Variants in CEMP1 observed in about 807,000 individuals in gnomAD.
CEMP1 encodes the protein cementum protein 1.
For missense variants in CEMP1, 387 were observed against 316.9 expected (o/e 1.22, Z -1.68); for synonymous variants, 161 against 128.6 (o/e 1.25, Z -1.71).
Position 2,531,031 on chromosome 16 carries a change from G to T in CEMP1, c.43C>A (p.Arg15=). The change falls in exon 1 of 1, where the codon CGA becomes AGA. Residue 15 remains arginine (R), a synonymous_variant. Coordinates refer to ENST00000567119, the MANE Select transcript of CEMP1 (RefSeq NM_001048212.3). ...GCCGATGTGTTAGAGGTTGAGCATC[G>T]CCTGTGCCCAGCTTGCTGGCTGTCA... ...STDSQQAGHR[R]CSTSNTSAEN... 1 of 1,600,316 alleles carries T rather than the reference G, an allele frequency of 6.2e-7. No individual in the cohort carries two copies. The highest frequency in any genetic ancestry group is 8.6e-7 in the Non-Finnish European group (1 of 1,169,454).
Position 2,530,258 on chromosome 16 carries a change from C to T in CEMP1, c.*72G>A, listed in dbSNP as rs2066069098. ...CCCTATCTCTTCACACATCCCCAGG[C>T]CCAGTGCTTGCCGGCTGTGGTGACC... On this transcript the variant is annotated 3_prime_UTR_variant, in exon 1 of 1. Coordinates refer to ENST00000567119, the MANE Select transcript of CEMP1 (RefSeq NM_001048212.3). The T allele has an allele frequency of 6.2e-7, 1 of 1,609,788 alleles. No homozygotes were observed. The highest frequency in any genetic ancestry group is 8.5e-7 in the Non-Finnish European group (1 of 1,178,232).
Position 2,531,143 on chromosome 16 carries a change from G to C in CEMP1, c.-70C>G. The C allele has an allele frequency of 6.6e-7, 1 of 1,525,408 alleles. No homozygotes were observed. The highest frequency in any genetic ancestry group is 8.8e-7 in the Non-Finnish European group (1 of 1,131,692). 94.5% of individuals were successfully genotyped at this position (1,525,408 alleles called of 1,614,324 possible). A position where few individuals can be genotyped will look rare whatever the true frequency, so the allele number is the denominator to read the frequency against. On this transcript the variant is annotated 5_prime_UTR_variant, in exon 1 of 1. Coordinates refer to ENST00000567119, the MANE Select transcript of CEMP1 (RefSeq NM_001048212.3). The stretch of plus-strand genomic sequence containing the variant: ...AGACGGGACGCCCAGTCCAGAGCTG[G>C]TGAGCCCTGGGCCAGCCTTTGGGCC...
rs1567134941 is a variant in CEMP1, at chr16:2,530,649, G to C, written c.425C>G (p.Ala142Gly). Residue 142 changes from alanine (A) to glycine (G), a missense_variant, in exon 1 of 1, where the codon GCT becomes GGT. Ala to Gly is a moderately conservative substitution (Grantham distance 60). Coordinates refer to ENST00000567119, the MANE Select transcript of CEMP1 (RefSeq NM_001048212.3). ...LWTWRHFLNW[A>G]LQQREENSGR... ...ACTGTTCTCTTCCCTCTGCTGCAAA[G>C]CCCAGTTAAGGAAATGTCTCCAGGT... The C allele has an allele frequency of 1.2e-6, 2 of 1,614,196 alleles. No homozygotes were observed. The highest frequency in any genetic ancestry group is 1.7e-6 in the Non-Finnish European group (2 of 1,180,028).
At position 2,530,089 on chromosome 16, in the gene CEMP1, GGTTC is replaced by G; in HGVS notation, c.*237_*240del. On this transcript the variant is annotated 3_prime_UTR_variant, in exon 1 of 1. Coordinates refer to ENST00000567119, the MANE Select transcript of CEMP1 (RefSeq NM_001048212.3). ...GTGTGCAGCGTGGAGCCCACAGCCT[GGTTC>G]TGGGCCAGGGCACAGTGCCAGGGGC... The G allele has an allele frequency of 9.4e-7, 1 of 1,064,190 alleles. No homozygotes were observed. The highest frequency in any genetic ancestry group is 1.3e-6 in the Non-Finnish European group (1 of 762,230). The allele number at this position is 1,064,190 out of a possible 1,614,324, so 65.9% of individuals were successfully genotyped here. A position where few individuals can be genotyped will look rare whatever the true frequency, so the allele number is the denominator to read the frequency against.
Position 2,531,283 on chromosome 16 carries a change from G to C in CEMP1, c.-210C>G, listed in dbSNP as rs2066093174. 1.6e-6 allele frequency: 1 copy of C among 611,936 alleles called. No individual in the cohort carries two copies. The highest frequency in any genetic ancestry group is 2.8e-5 in the East Asian group (1 of 35,844). 37.9% of individuals were successfully genotyped at this position (611,936 alleles called of 1,614,324 possible). A position where few individuals can be genotyped will look rare whatever the true frequency, so the allele number is the denominator to read the frequency against. On this transcript the variant is annotated 5_prime_UTR_variant, in exon 1 of 1. Transcript: ENST00000567119. ...CCCTGGGTGGTGGGAGAGGGGCCCA[G>C]GGTCAGGGTGAGAGAGAGCTGGGCC... is the stretch of plus-strand genomic sequence containing the variant.
At position 2,530,913 on chromosome 16, in the gene CEMP1, G is replaced by A. The variant is rs551569221; in HGVS notation, c.161C>T (p.Pro54Leu). 43 of 1,613,378 alleles carry A rather than the reference G, an allele frequency of 2.7e-5. No homozygotes were observed. The Admixed American group carries it at 2.8e-4, about 11-fold the overall frequency. ...TGCCTTGACGGCCGCGCACCCCTTA[G>A]GAAGTGGCTGTCCAGCGCCTGCCTG... ...PAQAGAGQPL[P>L]KGCAAVKAEV... The change falls in exon 1 of 1, where the codon CCT (proline) becomes CTT (leucine). Residue 54 changes from proline to leucine, a missense_variant. Coordinates refer to ENST00000567119, the MANE Select transcript of CEMP1 (RefSeq NM_001048212.3).
intron 1 of CEMP1, chr16:2,530,676 CAAAG>C (rs778849407): frequency 2.5e-5 from 40 of 1,614,014 alleles, no homozygotes; most frequent in African/African-American, 4.0e-5. Context: ...TCTCCAGGTC[CAAAG>C]AGATAGGATG....
At position 2,530,290 on chromosome 16, in the gene CEMP1, G is replaced by T. The variant is rs755691521; in HGVS notation, c.*40C>A. 6.2e-7 allele frequency: 1 copy of T among 1,613,646 alleles called. No homozygotes were observed. Among genetic ancestry groups the T allele is most frequent in the South Asian group, 1.1e-5 (1 of 91,040 alleles). On this transcript the variant is annotated 3_prime_UTR_variant, in exon 1 of 1. Coordinates refer to ENST00000567119, the MANE Select transcript of CEMP1 (RefSeq NM_001048212.3). ...CTTGCCGGCTGTGGTGACCCTGCCT[G>T]GTGCTGGAGGGCAGTATGGGAGGCA...
rs189095388 is a variant in CEMP1, at chr16:2,530,530, C to T, written c.544G>A (p.Val182Ile). The change falls in exon 1 of 1, where the codon GTC (valine) becomes ATC (isoleucine). Residue 182 changes from valine to isoleucine, a missense_variant. Val to Ile is a conservative substitution (Grantham distance 29, BLOSUM62 3). Coordinates refer to ENST00000567119, the MANE Select transcript of CEMP1 (RefSeq NM_001048212.3). ...CCCACGTCAGGGGTGATTGTCTTGA[C>T]TTTCTCTCCATTTGAGTTCTGGGGT... ...HPPQNSNGEKVKTITPDVGLH... is the reference protein window; with the variant it reads ...HPPQNSNGEKIKTITPDVGLH... The T allele has an allele frequency of 1.2e-6, 2 of 1,614,196 alleles. No homozygotes were observed. The highest frequency in any genetic ancestry group is 8.5e-7 in the Non-Finnish European group (1 of 1,180,020).
chr16:2,530,489 CAGGGA>C (rs764657664), intron 1 of CEMP1: 4 of 1,614,000 alleles, frequency 2.5e-6, no homozygotes, highest in Non-Finnish European at 1.7e-6. Context: ...GGTCAGACGT[CAGGGA>C]TTGGTGCAGC....
chr16:2,530,393 G>T (rs763349236), intron 1 of CEMP1: 2 of 1,614,200 alleles, frequency 1.2e-6, no homozygotes, highest in Admixed American at 3.3e-5. Context: ...CACCCATGTG[G>T]CAAACACGGG....
At position 2,530,324 on chromosome 16, in the gene CEMP1, C is replaced by A. The variant is rs897059726; in HGVS notation, c.*6G>T. The A allele has an allele frequency of 6.2e-7, 1 of 1,614,094 alleles. No individual in the cohort carries two copies. Among genetic ancestry groups the A allele is most frequent in the East Asian group, 2.2e-5 (1 of 44,870 alleles). ...GGGCAGTATGGGAGGCACCAGTGTG[C>A]CCTGCTCACCCCATTAGTGTCATCC... is the stretch of plus-strand genomic sequence containing the variant. On this transcript the variant is annotated 3_prime_UTR_variant, in exon 1 of 1. Transcript: ENST00000567119.
Position 2,530,215 on chromosome 16 carries a change from G to T in CEMP1, c.*115C>A. 2 of 1,543,108 alleles carry T rather than the reference G, an allele frequency of 1.3e-6. No homozygotes were observed. Among genetic ancestry groups the T allele is most frequent in the Non-Finnish European group, 1.7e-6 (2 of 1,144,596 alleles). The stretch of plus-strand genomic sequence containing the variant: ...GAGTGCCACGGATGACCAGCGTTCT[G>T]TTTTCTCTTCTCAATAACCCTATCT... On this transcript the variant is annotated 3_prime_UTR_variant, in exon 1 of 1. Coordinates refer to ENST00000567119, the MANE Select transcript of CEMP1 (RefSeq NM_001048212.3).
rs2066076337 is a variant in CEMP1, at chr16:2,530,536, C to T, written c.538G>A (p.Glu180Lys). The T allele has an allele frequency of 3.1e-6, 5 of 1,614,052 alleles. No individual in the cohort carries two copies. Among genetic ancestry groups the T allele is most frequent in the Admixed American group, 1.7e-5 (1 of 60,008 alleles). Residue 180 changes from glutamate to lysine, a missense_variant, in exon 1 of 1, where the codon GAG (glutamate) becomes AAG (lysine). Physicochemically the swap from Glu to Lys is moderately conservative, Grantham distance 56. Transcript: ENST00000567119. ...GSHPPQNSNGEKVKTITPDVG... is the reference protein window; with the variant it reads ...GSHPPQNSNGKKVKTITPDVG... ...TCAGGGGTGATTGTCTTGACTTTCTCTCCATTTGAGTTCTGGGGTGGGTGG... is the reference window on the plus strand; with the variant it reads ...TCAGGGGTGATTGTCTTGACTTTCTTTCCATTTGAGTTCTGGGGTGGGTGG...
chr16:2,531,287 C>T lies in CEMP1; in HGVS notation c.-214G>A, dbSNP rs1352152217. On this transcript the variant is annotated 5_prime_UTR_variant, in exon 1 of 1. Transcript: ENST00000567119. ...GGGTGGTGGGAGAGGGGCCCAGGGTCAGGGTGAGAGAGAGCTGGGCCAGGG... is the reference window on the plus strand; with the variant it reads ...GGGTGGTGGGAGAGGGGCCCAGGGTTAGGGTGAGAGAGAGCTGGGCCAGGG... 1 of 603,894 alleles carries T rather than the reference C, an allele frequency of 1.7e-6. No homozygotes were observed. Among genetic ancestry groups the T allele is most frequent in the Non-Finnish European group, 3.0e-6 (1 of 338,798 alleles). The allele number at this position is 603,894 out of a possible 1,614,324, so 37.4% of individuals were successfully genotyped here.
Position 2,531,155 on chromosome 16 carries a change from C to T in CEMP1, c.-82G>A. The T allele has an allele frequency of 2.0e-6, 3 of 1,505,162 alleles. No individual in the cohort carries two copies. The highest frequency in any genetic ancestry group is 2.7e-6 in the Non-Finnish European group (3 of 1,122,134). The allele number at this position is 1,505,162 out of a possible 1,614,324, so 93.2% of individuals were successfully genotyped here. A position where few individuals can be genotyped will look rare whatever the true frequency, so the allele number is the denominator to read the frequency against. On this transcript the variant is annotated 5_prime_UTR_variant, in exon 1 of 1. It introduces an in-frame stop codon into an upstream open reading frame of the 5' UTR. Transcript: ENST00000567119. ...CAGTCCAGAGCTGGTGAGCCCTGGG[C>T]CAGCCTTTGGGCCTGGCCTGCCCCA...
rs766873140 is a variant in CEMP1 at position 2,531,032 on chromosome 16, C to T, written c.42G>A (p.Arg14=). Reference sequence around the variant, plus strand: ...CCGATGTGTTAGAGGTTGAGCATCGCCTGTGCCCAGCTTGCTGGCTGTCAG... The same window carrying T: ...CCGATGTGTTAGAGGTTGAGCATCGTCTGTGCCCAGCTTGCTGGCTGTCAG... ...SSTDSQQAGH[R]RCSTSNTSAE... is the part of the protein sequence containing the mutation. The change falls in exon 1 of 1, where the codon AGG becomes AGA. Residue 14 remains arginine (R), a synonymous_variant. Coordinates refer to ENST00000567119, the MANE Select transcript of CEMP1 (RefSeq NM_001048212.3). The T allele has an allele frequency of 3.1e-6, 5 of 1,600,226 alleles. No individual in the cohort carries two copies. The East Asian group carries it at 9.0e-5, about 29-fold the overall frequency.
chr16:2,530,662 A>G lies in CEMP1; in HGVS notation c.412T>C (p.Phe138Leu). 1 of 1,614,150 alleles carries G rather than the reference A, an allele frequency of 6.2e-7. No homozygotes were observed. Among genetic ancestry groups the G allele is most frequent in the South Asian group, 1.1e-5 (1 of 91,078 alleles). The stretch of plus-strand genomic sequence containing the variant: ...CTCTGCTGCAAAGCCCAGTTAAGGA[A>G]ATGTCTCCAGGTCCAAAGAGATAGG... ...TILSLWTWRHFLNWALQQREE... is the reference protein window; with the variant it reads ...TILSLWTWRHLLNWALQQREE... Residue 138 changes from phenylalanine to leucine, a missense_variant, in exon 1 of 1, where the codon TTC becomes CTC. Coordinates refer to ENST00000567119, the MANE Select transcript of CEMP1 (RefSeq NM_001048212.3).
chr16:2,531,277 G>C lies in CEMP1; in HGVS notation c.-204C>G, dbSNP rs1272292153. On this transcript the variant is annotated 5_prime_UTR_variant, in exon 1 of 1. Transcript: ENST00000567119. The stretch of plus-strand genomic sequence containing the variant: ...GGCTAGCCCTGGGTGGTGGGAGAGG[G>C]GCCCAGGGTCAGGGTGAGAGAGAGC... 1.3e-5 allele frequency: 8 copies of C among 628,008 alleles called. No homozygotes were observed. The highest frequency in any genetic ancestry group is 3.7e-5 in the African/African-American group (2 of 54,264). 38.9% of individuals were successfully genotyped at this position (628,008 alleles called of 1,614,324 possible).
Sources: gnomAD v4.1 joint callset for allele counts on GRCh38, gnomAD v4.1.1 for gene constraint, MANE v1.5 for transcripts, NCBI Gene and HGNC (gene_info 2026-07-23, HGNC 2026-07-21) for gene names.